The following IFT52 variants were observed in gnomAD, a reference collection of about 807,000 sequenced individuals.
IFT52 encodes the protein intraflagellar transport protein 52 homolog.
Under a neutral mutation model 54.4 loss-of-function variants are expected in IFT52, and 44 were observed. The observed-to-expected ratio is 0.81, with a 90% CI of 0.63 to 1.04. The LOEUF is 1.04. Ranked by LOEUF, IFT52 falls within the 50% of genes least tolerant of loss-of-function variation. The pLI is 0.00. For missense variants in IFT52, 452 were observed against 523.6 expected (o/e 0.86, Z 1.33); for synonymous variants, 181 against 185.3 (o/e 0.98, Z 0.19).
chr20:43,598,684 T>TG (rs1381217175), intron 3 of IFT52, among the ~76,000 whole-genome samples: 1 of 152,132 alleles, frequency 6.6e-6, no homozygotes, highest in Non-Finnish European at 1.5e-5. Context: ...ACAGAGACCC[T>TG]GTCTGAAAAG....
chr20:43,603,168 C>T (rs1601029233), intron 3 of IFT52, among the ~76,000 whole-genome samples: 1 of 152,240 alleles, frequency 6.6e-6, no homozygotes, highest in East Asian at 1.9e-4. Context: ...TTTCTCCCTT[C>T]CCCAGCTTTG....
Position 43,636,118 on chromosome 20 carries a change from C to G in IFT52, c.1011+105C>G. The G allele has an allele frequency of 4.0e-6, 4 of 1,007,814 alleles. No individual in the cohort carries two copies. In the South Asian group the frequency reaches 5.5e-5, roughly 14 times the overall value. The allele number at this position is 1,007,814 out of a possible 1,614,324, so 62.4% of individuals were successfully genotyped here. ...CCTTCCATGTGCCATTTGTGGCACTCCTTGTGGAGTCATAGTGCTCTGTCT... is the reference window on the plus strand; with the variant it reads ...CCTTCCATGTGCCATTTGTGGCACTGCTTGTGGAGTCATAGTGCTCTGTCT... On this transcript the variant is annotated intron_variant, in intron 11 of 13. Transcript: ENST00000373030.
In IFT52 at chr20:43,618,508, G is replaced by T. The variant is rs145300593; in HGVS notation, c.613-432G>T. 8.6e-3 allele frequency among the ~76,000 whole-genome samples: 1,300 copies of T among 151,728 alleles called. 18 individuals are homozygous for T. Among genetic ancestry groups the T allele is most frequent in the African/African-American group, 0.029 (1,204 of 41,364 alleles). On this transcript the variant is annotated intron_variant, in intron 7 of 13. Transcript: ENST00000373030. ...TCTTTTTTTTGTTTTTTGAGATGGA[G>T]TCTCGCTCTGTTGCCCAGGCTGGAG...
In IFT52 at chr20:43,591,754, G is replaced by A. The variant is rs370499334; in HGVS notation, c.-7+700G>A. 9.7e-4 allele frequency among the ~76,000 whole-genome samples: 148 copies of A among 152,288 alleles called. 2 individuals are homozygous for A. In the South Asian group the frequency reaches 0.03, roughly 30 times the overall value. On this transcript the variant is annotated intron_variant, in intron 1 of 13. Coordinates refer to ENST00000373030, the MANE Select transcript of IFT52 (RefSeq NM_016004.5). The stretch of plus-strand genomic sequence containing the variant: ...AAGGTATAGCAATTAAACTAGCATA[G>A]AAGATGGGTGCAGCAGTGTGGGCCC...
intron 7 of IFT52, among the ~76,000 whole-genome samples, chr20:43,617,916 G>A (rs1160283406): frequency 6.6e-6 from 1 of 152,022 alleles, no homozygotes; most frequent in Non-Finnish European, 1.5e-5. Flanking sequence ...GCTAATTTTT[G>A]TATTTCTAGT....
chr20:43,617,054 G>T (rs376005213), intron 7 of IFT52, among the ~76,000 whole-genome samples: 2 of 151,844 alleles, frequency 1.3e-5, no homozygotes, highest in Admixed American at 1.3e-4. Context: ...TTTTTTAACC[G>T]AATGATGTGT....
intron 6 of IFT52, among the ~76,000 whole-genome samples, chr20:43,606,740 G>A (rs1347649262): frequency 2.6e-5 from 4 of 152,122 alleles, no homozygotes; most frequent in Non-Finnish European, 5.9e-5. Flanking sequence ...GCAGCCTTCC[G>A]CAGTGTTTGT....
At chr20:43,630,239 C>A (rs893649067) in intron 10 of IFT52, among the ~76,000 whole-genome samples, 1 of 152,206 alleles carries the variant, frequency 6.6e-6, no homozygotes, top group Non-Finnish European at 1.5e-5. Context: ...CTCCGCTAGC[C>A]AGTTGCAGTC....
At chr20:43,615,262 A>C (rs1214391456) in intron 7 of IFT52, among the ~76,000 whole-genome samples, 1 of 151,432 alleles carries the variant, frequency 6.6e-6, no homozygotes, top group Non-Finnish European at 1.5e-5. Context: ...GGCTGGTCTT[A>C]AACTTCTGAG....
chr20:43,599,352 G>A (rs1016842008), intron 3 of IFT52, among the ~76,000 whole-genome samples: 3 of 152,158 alleles, frequency 2.0e-5, no homozygotes, highest in Non-Finnish European at 4.4e-5. Flanking sequence ...AGTGGAGATG[G>A]GTGCCAGGCC....
chr20:43,597,061 A>G (rs1257736287), intron 3 of IFT52, among the ~76,000 whole-genome samples: 3 of 150,542 alleles, frequency 2.0e-5, no homozygotes, highest in Non-Finnish European at 4.4e-5. Flanking sequence ...TTTCTTTGCT[A>G]TATTTTTGCT....
At chr20:43,635,825 C>A in intron 10 of IFT52, 101 bp from the exon 11 acceptor site, 2 of 1,009,486 alleles carry the variant, frequency 2.0e-6, no homozygotes, top group South Asian at 1.4e-5. Context: ...AAAAATAGTA[C>A]TGAACCACTG....
At chr20:43,636,408 T>A (rs1985544260) in intron 11 of IFT52, among the ~76,000 whole-genome samples, 1 of 152,210 alleles carries the variant, frequency 6.6e-6, no homozygotes, top group South Asian at 2.1e-4. Context: ...AAATAGGTTA[T>A]TTTTCAACAT....
chr20:43,635,183 GAGAGA>G (rs1403193703), intron 10 of IFT52, among the ~76,000 whole-genome samples: 4 of 64,934 alleles, frequency 6.2e-5, no homozygotes, highest in Admixed American at 3.6e-4. Context: ...AAAAGAGAGA[GAGAGA>G]AAAAAAAAAA....
intron 10 of IFT52, among the ~76,000 whole-genome samples, chr20:43,634,137 A>G (rs1985364820): frequency 6.6e-6 from 1 of 152,042 alleles, no homozygotes; most frequent in South Asian, 2.1e-4. Flanking sequence ...TGATCATACC[A>G]CTGCACTCCA....
chr20:43,620,256 A>G (rs1001746104), intron 8 of IFT52, among the ~76,000 whole-genome samples: 9 of 152,164 alleles, frequency 5.9e-5, no homozygotes, highest in Non-Finnish European at 1.3e-4. Context: ...TCAGACTGTC[A>G]TCACAGTAAA....
intron 7 of IFT52, among the ~76,000 whole-genome samples, chr20:43,616,902 A>G (rs1983902442): frequency 6.6e-6 from 1 of 152,068 alleles, no homozygotes; most frequent in Non-Finnish European, 1.5e-5. Context: ...AGTCCTGGCT[A>G]CTTGGGAGGC....
chr20:43,621,285 T>A (rs527967737), intron 9 of IFT52, among the ~76,000 whole-genome samples: 3 of 152,340 alleles, frequency 2.0e-5, no homozygotes, highest in African/African-American at 7.2e-5. Context: ...AGAATTTATG[T>A]TGTAAACTAT....
At chr20:43,639,556 G>C (rs2145674987) in intron 12 of IFT52, among the ~76,000 whole-genome samples, 1 of 152,338 alleles carries the variant, frequency 6.6e-6, no homozygotes, top group East Asian at 1.9e-4. Flanking sequence ...TGTAATCCCA[G>C]CTACTGGGGA....
Sources: allele counts gnomAD v4.1 joint callset (sites outside exome capture counted in the v4.1 genomes callset), GRCh38; gene constraint gnomAD v4.1.1; transcripts MANE v1.5; gene names NCBI Gene and HGNC (gene_info 2026-07-23, HGNC 2026-07-21).